KCNJ6: variants seen among roughly 807,000 people sequenced by gnomAD.
KCNJ6 encodes G protein-activated inward rectifier potassium channel 2.
In KCNJ6, 9 loss-of-function variants were observed where a neutral mutation model predicts 34.2. That is an observed-to-expected ratio of 0.26 (90% CI 0.16 to 0.46). The LOEUF (loss-of-function observed/expected upper bound fraction) is 0.46. Ranked by LOEUF, KCNJ6 falls within the 20% of genes least tolerant of loss-of-function variation. The pLI is 1.00. For synonymous variants in KCNJ6, 196 were observed against 207.1 expected (o/e 0.95, Z 0.46); for missense variants, 236 against 531.3 (o/e 0.44, Z 5.46).
intron 2 of KCNJ6, among the ~76,000 whole-genome samples, chr21:37,730,807 A>G (rs952999549): frequency 6.6e-6 from 1 of 152,218 alleles, no homozygotes; most frequent in Non-Finnish European, 1.5e-5. Flanking sequence ...ACTAATTGGC[A>G]AAGGCATCAC....
chr21:37,727,001 A>T (rs2123463576), intron 2 of KCNJ6, among the ~76,000 whole-genome samples: 1 of 152,344 alleles, frequency 6.6e-6, no homozygotes, highest in Non-Finnish European at 1.5e-5. Context: ...CTCTAAGTCC[A>T]ATTAGATGTC....
At chr21:37,762,256 C>T (rs983313947) in intron 2 of KCNJ6, among the ~76,000 whole-genome samples, 4 of 152,186 alleles carry the variant, frequency 2.6e-5, no homozygotes, top group African/African-American at 4.8e-5. Context: ...ACTTAGCATC[C>T]AGCACAGATG....
chr21:37,876,957 C>T (rs1023515151), intron 1 of KCNJ6, among the ~76,000 whole-genome samples: 2 of 152,170 alleles, frequency 1.3e-5, no homozygotes, highest in African/African-American at 2.4e-5. Flanking sequence ...TGTAGCTTCA[C>T]TATTTAGTTT....
rs891738402 is a variant in KCNJ6, at chr21:37,862,284, G to A, written c.-27-21575C>T. On this transcript the variant is annotated intron_variant, in intron 1 of 3. Coordinates refer to ENST00000609713, the MANE Select transcript of KCNJ6 (RefSeq NM_002240.5). ...TACCTTAAATAGGCAGGGCTGGAGG[G>A]GGTCACTATTTATAGTAAATATCCA... Among the ~76,000 whole-genome samples, 19 of 152,166 alleles carry A rather than the reference G, an allele frequency of 1.2e-4. 1 individual carries two copies. The highest frequency in any genetic ancestry group is 4.3e-4 in the African/African-American group (18 of 41,428).
intron 2 of KCNJ6, among the ~76,000 whole-genome samples, chr21:37,832,092 G>C (rs2123567555): frequency 6.7e-6 from 1 of 149,592 alleles, no homozygotes; most frequent in South Asian, 2.1e-4. Flanking sequence ...GAGCTCATTA[G>C]ACAATAATCA....
chr21:37,800,591 G>T (rs981164499), intron 2 of KCNJ6, among the ~76,000 whole-genome samples: 1 of 152,184 alleles, frequency 6.6e-6, no homozygotes, highest in East Asian at 1.9e-4. Flanking sequence ...TATACAGAGA[G>T]CTTATCAGCA....
chr21:37,909,102 C>T (rs2055855211), intron 1 of KCNJ6, among the ~76,000 whole-genome samples: 1 of 152,186 alleles, frequency 6.6e-6, no homozygotes, highest in African/African-American at 2.4e-5. Context: ...CACCACTCAG[C>T]AGATCTTAGA....
At chr21:37,881,850 A>C (rs2055710134) in intron 1 of KCNJ6, among the ~76,000 whole-genome samples, 1 of 152,214 alleles carries the variant, frequency 6.6e-6, no homozygotes, top group African/African-American at 2.4e-5. Flanking sequence ...AGTCTACAGC[A>C]GTCTGTAGAC....
chr21:37,651,125 C>T (rs1284858964), intron 3 of KCNJ6, among the ~76,000 whole-genome samples: 1 of 152,088 alleles, frequency 6.6e-6, no homozygotes, highest in Non-Finnish European at 1.5e-5. Context: ...AGCCACAGGA[C>T]CATTTAAGGG....
chr21:37,666,331 C>T (rs1036072266), intron 3 of KCNJ6, among the ~76,000 whole-genome samples: 2 of 152,134 alleles, frequency 1.3e-5, no homozygotes, highest in Non-Finnish European at 2.9e-5. Context: ...AGCTGACTCT[C>T]ACGGTTTGGA....
At chr21:37,791,472 A>G (rs2055216718) in intron 2 of KCNJ6, among the ~76,000 whole-genome samples, 1 of 152,254 alleles carries the variant, frequency 6.6e-6, no homozygotes, top group African/African-American at 2.4e-5. Context: ...TTGTCCCCTG[A>G]CAAGAGGAAA....
chr21:37,715,027 T>C lies in KCNJ6; in HGVS notation c.130A>G (p.Ile44Val). The C allele has an allele frequency of 6.2e-7, 1 of 1,614,222 alleles. No homozygotes were observed. The highest frequency in any genetic ancestry group is 8.5e-7 in the Non-Finnish European group (1 of 1,180,034). ...KQARDDLPRH[I>V]SRDRTKRKIQ... ...TTCCTTTTGGTCCGATCTCGGCTGA[T>C]GTGTCTTGGCAGGTCATCCCTGGCC... Residue 44 changes from isoleucine (I) to valine (V), a missense_variant, in exon 3 of 4, where the codon ATC (isoleucine) becomes GTC (valine). By Grantham distance (29) the Ile-to-Val change is conservative. Transcript: ENST00000609713.
intron 3 of KCNJ6, among the ~76,000 whole-genome samples, chr21:37,668,715 T>C (rs893098558): frequency 6.6e-6 from 1 of 152,188 alleles, no homozygotes; most frequent in Non-Finnish European, 1.5e-5. Flanking sequence ...GCCTCTGAGC[T>C]TCTCCACTTT....
intron 2 of KCNJ6, among the ~76,000 whole-genome samples, chr21:37,825,229 T>C (rs2055393346): frequency 6.6e-6 from 1 of 152,214 alleles, no homozygotes; most frequent in Admixed American, 6.5e-5. Flanking sequence ...AATTTTTAAA[T>C]CTACTACAGT....
At chr21:37,655,240 AGAGAG>A (rs2054457252) in intron 3 of KCNJ6, among the ~76,000 whole-genome samples, 2 of 8,876 alleles carry the variant, frequency 2.3e-4, no homozygotes, top group Non-Finnish European at 2.5e-4. Flanking sequence ...AGAGAGAGAG[AGAGAG>A]AGAGAGAGAG....
At chr21:37,774,985 A>G (rs2055135339) in intron 2 of KCNJ6, among the ~76,000 whole-genome samples, 1 of 152,058 alleles carries the variant, frequency 6.6e-6, no homozygotes, top group Non-Finnish European at 1.5e-5. Flanking sequence ...AAGTGTTCCT[A>G]TTTCTCCATA....
In KCNJ6 at chr21:37,714,510, C is replaced by G; in HGVS notation, c.647G>C (p.Gly216Ala). Residue 216 changes from glycine (G) to alanine (A), a missense_variant, in exon 3 of 4, where the codon GGG becomes GCG. By Grantham distance (60) the Gly-to-Ala change is moderately conservative. Coordinates refer to ENST00000609713, the MANE Select transcript of KCNJ6 (RefSeq NM_002240.5). The surrounding 1 kb of genome is among the most constrained non-coding windows in gnomAD (Gnocchi z 5.9). The stretch of plus-strand genomic sequence containing the variant: ...TACCCGGAACATCAGGCACAGTTTC[C>G]CATCCCGCATGGAGATCACTGCATG... ...STHAVISMRD[G>A]KLCLMFRVGD... 6.2e-7 allele frequency: 1 copy of G among 1,614,170 alleles called. No homozygotes were observed. Among genetic ancestry groups the G allele is most frequent in the Non-Finnish European group, 8.5e-7 (1 of 1,180,042 alleles).
chr21:37,826,962 G>C (rs565123117), intron 2 of KCNJ6, among the ~76,000 whole-genome samples: 1 of 152,158 alleles, frequency 6.6e-6, no homozygotes, highest in African/African-American at 2.4e-5. Context: ...GACCGCAAAG[G>C]CTTGTCCCTG....
At chr21:37,821,899 T>C (rs1202278915) in intron 2 of KCNJ6, among the ~76,000 whole-genome samples, 3 of 152,212 alleles carry the variant, frequency 2.0e-5, no homozygotes, top group Non-Finnish European at 1.5e-5. Context: ...TAGAATTATA[T>C]TGTCTAATGG....
Sources: allele counts gnomAD v4.1 joint callset (sites outside exome capture counted in the v4.1 genomes callset), GRCh38; gene constraint gnomAD v4.1.1; non-coding constraint Gnocchi (gnomAD v3.1); transcripts MANE v1.5; gene names NCBI Gene and HGNC (gene_info 2026-07-23, HGNC 2026-07-21).